The following NUDCD3 variants were observed in gnomAD, a reference collection of about 807,000 sequenced individuals.
NUDCD3 encodes nudC domain-containing protein 3.
Under a neutral mutation model 39.7 loss-of-function variants are expected in NUDCD3, and 13 were observed. The ratio of observed to expected loss-of-function variants is 0.33; its 90% confidence interval spans 0.21 to 0.52. The LOEUF is 0.52. NUDCD3 is among the 20% of genes least tolerant of loss of function. The pLI, the probability that NUDCD3 is intolerant of heterozygous loss-of-function variation, is 0.96. For synonymous variants in NUDCD3, 175 were observed against 172.4 expected (o/e 1.02, Z -0.12); for missense variants, 453 against 458.1 (o/e 0.99, Z 0.10).
At chr7:44,490,269 C>T (rs995237204) in intron 1 of NUDCD3, 140 bp downstream of exon 1, 3 of 794,572 alleles carry the variant, frequency 3.8e-6, no homozygotes, top group African/African-American at 3.6e-5. Context: ...CTTCAAATTA[C>T]TGAAGCCATT....
chr7:44,473,232 T>C (rs190262931), intron 2 of NUDCD3, among the ~76,000 whole-genome samples: 3 of 152,336 alleles, frequency 2.0e-5, no homozygotes, highest in Admixed American at 6.5e-5. Context: ...ATCAGATCTC[T>C]AGAGCAAGGA....
chr7:44,395,786 C>A (rs1798612469), intron 4 of NUDCD3, among the ~76,000 whole-genome samples: 2 of 152,142 alleles, frequency 1.3e-5, no homozygotes, highest in Non-Finnish European at 2.9e-5. Flanking sequence ...AATAATATTC[C>A]ACTGTATGGA....
intron 2 of NUDCD3, among the ~76,000 whole-genome samples, chr7:44,476,303 G>A (rs886773744): frequency 1.3e-5 from 2 of 152,200 alleles, no homozygotes; most frequent in Non-Finnish European, 2.9e-5. Flanking sequence ...AGGTGTGTGA[G>A]TGCTATAGAA....
intron 3 of NUDCD3, among the ~76,000 whole-genome samples, chr7:44,422,099 A>C (rs1382524293): frequency 6.6e-6 from 1 of 152,248 alleles, no homozygotes; most frequent in Non-Finnish European, 1.5e-5. Context: ...ATGAGAACAA[A>C]GAGACAACAT....
chr7:44,387,040 T>C (rs1158776499), intron 5 of NUDCD3, among the ~76,000 whole-genome samples: 2 of 152,138 alleles, frequency 1.3e-5, no homozygotes, highest in African/African-American at 4.8e-5. Context: ...ACCAATATGA[T>C]CCACAGTCCC....
At chr7:44,461,507 C>T (rs890768517) in intron 2 of NUDCD3, among the ~76,000 whole-genome samples, 1 of 152,158 alleles carries the variant, frequency 6.6e-6, no homozygotes, top group Non-Finnish European at 1.5e-5. Flanking sequence ...CTCATAAAGA[C>T]TAAATCATTT....
chr7:44,482,946 T>C (rs1034608754), intron 2 of NUDCD3, among the ~76,000 whole-genome samples: 7 of 152,046 alleles, frequency 4.6e-5, no homozygotes, highest in African/African-American at 1.7e-4. Flanking sequence ...TATCTGAAAT[T>C]AAGAAGTTAC....
intron 2 of NUDCD3, among the ~76,000 whole-genome samples, chr7:44,430,842 A>AG (rs1210919909): frequency 1.3e-5 from 2 of 152,022 alleles, no homozygotes; most frequent in Admixed American, 6.5e-5. Flanking sequence ...CCTTCGAGTG[A>AG]GGGGGGACAT....
intron 2 of NUDCD3, among the ~76,000 whole-genome samples, chr7:44,445,135 C>T (rs1799665898): frequency 6.6e-6 from 1 of 152,242 alleles, no homozygotes; most frequent in Non-Finnish European, 1.5e-5. Flanking sequence ...CTGCTGCCTG[C>T]CCCTTACACT....
chr7:44,379,281 CTG>C lies in NUDCD3; in HGVS notation c.*6728_*6729del. On this transcript the variant is annotated 3_prime_UTR_variant, in exon 6 of 6. Transcript: ENST00000355451. ...CAGTCTGGGCAACACAGGAAAAACT[CTG>C]TCTCAAAAAAAAAAAAAACTTTTAA... is the stretch of plus-strand genomic sequence containing the variant. 6.8e-6 allele frequency: 1 copy of C among 147,964 alleles called. No individual in the cohort carries two copies. The highest frequency in any genetic ancestry group is 2.0e-4 in the East Asian group (1 of 5,038). The allele number at this position is 147,964 out of a possible 1,614,324, so 9.2% of individuals were successfully genotyped here. A position where few individuals can be genotyped will look rare whatever the true frequency, so the allele number is the denominator to read the frequency against.
intron 2 of NUDCD3, among the ~76,000 whole-genome samples, chr7:44,441,692 A>G (rs1799587917): frequency 6.6e-6 from 1 of 152,132 alleles, no homozygotes; most frequent in Non-Finnish European, 1.5e-5. Flanking sequence ...CTGCCACTCA[A>G]AGAGTACTGG....
intron 1 of NUDCD3, 199 bp downstream of exon 1, chr7:44,490,210 G>A (rs1800704007): frequency 1.8e-6 from 1 of 569,372 alleles, no homozygotes; most frequent in South Asian, 2.3e-5. Context: ...GAAACCTCAG[G>A]ACGTCCGGAG....
At chr7:44,411,789 A>G (rs1403632820) in intron 3 of NUDCD3, among the ~76,000 whole-genome samples, 3 of 152,230 alleles carry the variant, frequency 2.0e-5, no homozygotes, top group Non-Finnish European at 4.4e-5. Context: ...TTCCACCCAT[A>G]GGTATATACC....
Position 44,467,296 on chromosome 7 carries a change from T to C in NUDCD3, c.509+17672A>G, listed in dbSNP as rs193212595. ...TGAAATTTTGCTTTCAGAAGTAGAA[T>C]GTGCCCAGACAGAATCAGAACTGCT... On this transcript the variant is annotated intron_variant, in intron 2 of 5. Coordinates refer to ENST00000355451, the MANE Select transcript of NUDCD3 (RefSeq NM_015332.4). Among the ~76,000 whole-genome samples, 203 of 152,330 alleles carry C rather than the reference T, an allele frequency of 1.3e-3. 1 individual carries two copies. The Middle Eastern group carries it at 0.014, about 10-fold the overall frequency.
intron 2 of NUDCD3, among the ~76,000 whole-genome samples, chr7:44,431,241 G>A (rs1799356950): frequency 1.3e-5 from 2 of 152,176 alleles, no homozygotes. Flanking sequence ...CCATGCTTCA[G>A]CACCAAGGGT....
chr7:44,416,481 G>C (rs1434116064), intron 3 of NUDCD3, among the ~76,000 whole-genome samples: 2 of 151,452 alleles, frequency 1.3e-5, no homozygotes, highest in African/African-American at 4.9e-5. Flanking sequence ...GACACAGCGA[G>C]ACTCCAAATC....
intron 3 of NUDCD3, among the ~76,000 whole-genome samples, chr7:44,416,915 T>C (rs753733351): frequency 1.2e-4 from 19 of 152,166 alleles, no homozygotes; most frequent in Non-Finnish European, 2.2e-4. Context: ...AGCGACTGCC[T>C]GCATGATAGG....
intron 3 of NUDCD3, among the ~76,000 whole-genome samples, chr7:44,418,649 G>A (rs985233544): frequency 5.9e-5 from 9 of 152,234 alleles, no homozygotes; most frequent in African/African-American, 2.2e-4. Flanking sequence ...CAGCTGAATA[G>A]GAATAGCTCT....
intron 3 of NUDCD3, among the ~76,000 whole-genome samples, chr7:44,410,150 C>A (rs989245493): frequency 6.6e-6 from 1 of 151,592 alleles, no homozygotes; most frequent in African/African-American, 2.4e-5. Context: ...AAAATTACAC[C>A]CAAGAAGCTC....
Sources: allele counts gnomAD v4.1 joint callset (sites outside exome capture counted in the v4.1 genomes callset), GRCh38; gene constraint gnomAD v4.1.1; transcripts MANE v1.5; gene names NCBI Gene and HGNC (gene_info 2026-07-23, HGNC 2026-07-21).